Variants in SCUBE3 observed in about 807,000 individuals in gnomAD.
The protein encoded by SCUBE3 is signal peptide, CUB domain and EGF like domain containing 3.
Under a neutral mutation model 116.8 loss-of-function variants are expected in SCUBE3, and 33 were observed. That is an observed-to-expected ratio of 0.28 (90% confidence interval 0.21 to 0.38). SCUBE3 has a LOEUF of 0.38. Ranked by LOEUF, SCUBE3 falls within the 10% of genes least tolerant of loss-of-function variation. The pLI, the probability that SCUBE3 is intolerant of heterozygous loss-of-function variation, is 1.00. For missense variants in SCUBE3, 1,007 were observed against 1,324.8 expected, an observed-to-expected ratio of 0.76 and a Z score of 3.72; for synonymous variants, 418 against 496.9, an observed-to-expected ratio of 0.84 and a Z score of 2.11.
chr6:35,218,259 GGT>G (rs143349311), intron 1 of SCUBE3: 532 of 448,970 alleles, frequency 1.2e-3, no homozygotes, highest in Non-Finnish European at 1.4e-3. Context: ...CATGACTCAG[GGT>G]GTGTGTGTGT....
rs1271032199 is a variant in SCUBE3 at position 35,253,024 on chromosome 6, G to A, written c.*4319G>A. The A allele has an allele frequency of 6.6e-6, 1 of 152,124 alleles. No individual in the cohort carries two copies. The highest frequency in any genetic ancestry group is 1.5e-5 in the Non-Finnish European group (1 of 68,028). 9.4% of individuals were successfully genotyped at this position (152,124 alleles called of 1,614,324 possible). ...ATGTATCTGAATTGTAAAAAGAAAT[G>A]TTTGGATTTTGTATGTCTTTTTTAT... On this transcript the variant is annotated 3_prime_UTR_variant, in exon 22 of 22. Transcript: ENST00000274938.
intron 21 of SCUBE3, 113 bp downstream of exon 21, chr6:35,246,398 T>C: frequency 1.3e-6 from 1 of 782,820 alleles, no homozygotes; most frequent in African/African-American, 1.7e-5. Context: ...ACAATAGCTC[T>C]ATGAGGTAGG....
chr6:35,238,280 C>A (rs1783866094), intron 7 of SCUBE3, among the ~76,000 whole-genome samples: 2 of 152,148 alleles, frequency 1.3e-5, no homozygotes, highest in Non-Finnish European at 2.9e-5. Context: ...GGGTCCCTAA[C>A]CCTCTTAGTT....
At position 35,242,691 on chromosome 6, in the gene SCUBE3, A is replaced by T. The variant is rs1784126549; in HGVS notation, c.1604A>T (p.Lys535Met). ...HLKCDSSRKGKGRRARTPPGK... is the reference protein window; with the variant it reads ...HLKCDSSRKGMGRRARTPPGK... ...AAGTGTGACTCCTCTCGGAAGGGCAAGGGCCGACGGGCCCGGACCCCTCCA... is the reference window on the plus strand; with the variant it reads ...AAGTGTGACTCCTCTCGGAAGGGCATGGGCCGACGGGCCCGGACCCCTCCA... The change falls in exon 14 of 22, where the codon AAG becomes ATG. Residue 535 changes from lysine (K) to methionine (M), a missense_variant. Coordinates refer to ENST00000274938, the MANE Select transcript of SCUBE3 (RefSeq NM_152753.4). 1 of 1,614,018 alleles carries T rather than the reference A, an allele frequency of 6.2e-7. No homozygotes were observed. Among genetic ancestry groups the T allele is most frequent in the Admixed American group, 1.7e-5 (1 of 60,008 alleles).
Position 35,214,294 on chromosome 6 carries a change from C to G in SCUBE3, c.-125C>G. On this transcript the variant is annotated 5_prime_UTR_variant, in exon 1 of 22. Transcript: ENST00000274938. The surrounding 1 kb of genome is among the most constrained non-coding windows in gnomAD (Gnocchi z 6.3). ...GCGGTCCGCGCCCCGCGACTGCAGC[C>G]CCCGGCCTGGCCCCGGCGGGGCGCC... 2.3e-6 allele frequency: 1 copy of G among 437,740 alleles called. No individual in the cohort carries two copies. Among genetic ancestry groups the G allele is most frequent in the Middle Eastern group, 6.6e-4 (1 of 1,504 alleles). 27.1% of individuals were successfully genotyped at this position (437,740 alleles called of 1,614,324 possible). A position where few individuals can be genotyped will look rare whatever the true frequency, so the allele number is the denominator to read the frequency against.
At position 35,239,900 on chromosome 6, in the gene SCUBE3, A is replaced by G; in HGVS notation, c.952+26A>G. ...GTGAGCAGACTCAGCCAAAGGTGAA[A>G]GCCTTAGGAGAGGTTCTTGTGGGAG... is the stretch of plus-strand genomic sequence containing the variant. On this transcript the variant is annotated intron_variant, in intron 8 of 21. Coordinates refer to ENST00000274938, the MANE Select transcript of SCUBE3 (RefSeq NM_152753.4). This position sits in a 1 kb window ranked among gnomAD's most constrained non-coding sequence, Gnocchi z 4.1. 6.4e-7 allele frequency: 1 copy of G among 1,559,542 alleles called. No individual in the cohort carries two copies. The highest frequency in any genetic ancestry group is 8.6e-7 in the Non-Finnish European group (1 of 1,158,512).
intron 1 of SCUBE3, chr6:35,220,486 G>C (rs1320882923): frequency 6.6e-6 from 1 of 152,136 alleles, no homozygotes; most frequent in Non-Finnish European, 1.5e-5. Context: ...ACAATGTTCT[G>C]TTCTTCCCCC....
intron 7 of SCUBE3, among the ~76,000 whole-genome samples, chr6:35,238,526 T>C (rs1226155551): frequency 6.6e-6 from 1 of 152,180 alleles, no homozygotes; most frequent in Non-Finnish European, 1.5e-5. Flanking sequence ...CCCTGTCTCC[T>C]ACTAGCTCTG....
chr6:35,238,527 A>G (rs1456009676), intron 7 of SCUBE3, among the ~76,000 whole-genome samples: 4 of 152,152 alleles, frequency 2.6e-5, no homozygotes, highest in African/African-American at 9.7e-5. Context: ...CCTGTCTCCT[A>G]CTAGCTCTGT....
intron 13 of SCUBE3, 33 bp downstream of exon 13, chr6:35,242,353 T>C: frequency 7.0e-7 from 1 of 1,438,108 alleles, no homozygotes; most frequent in Non-Finnish European, 9.8e-7. Context: ...CAGTTGGCTG[T>C]CTGGCCACTA....
rs113199387 is a variant in SCUBE3 at position 35,251,087 on chromosome 6, T to A, written c.*2382T>A. ...TCCCAGGAAGCACCATGAAAACTGC[T>A]TTAATCAACTCTGACTATCCTAATT... On this transcript the variant is annotated 3_prime_UTR_variant, in exon 22 of 22. Transcript: ENST00000274938. 2.6e-5 allele frequency: 4 copies of A among 152,130 alleles called. No individual in the cohort carries two copies. Among genetic ancestry groups the A allele is most frequent in the African/African-American group, 9.7e-5 (4 of 41,442 alleles). 9.4% of individuals were successfully genotyped at this position (152,130 alleles called of 1,614,324 possible).
At position 35,242,789 on chromosome 6, in the gene SCUBE3, G is replaced by T. The variant is rs777911198; in HGVS notation, c.1693+9G>T. The stretch of plus-strand genomic sequence containing the variant: ...AGCCGAAGAAACCACAGGTGGGACT[G>T]GGGGCACTGTTGGGAAGAGGACTGG... On this transcript the variant is annotated intron_variant, in intron 14 of 21. Transcript: ENST00000274938. The T allele has an allele frequency of 5.6e-6, 9 of 1,611,926 alleles. No homozygotes were observed. Among genetic ancestry groups the T allele is most frequent in the African/African-American group, 1.3e-5 (1 of 74,908 alleles).
chr6:35,219,016 C>T lies in SCUBE3; in HGVS notation c.85+4513C>T, dbSNP rs925803233. Among the ~76,000 whole-genome samples, 5 of 152,170 alleles carry T rather than the reference C, an allele frequency of 3.3e-5. No individual in the cohort carries two copies. The highest frequency in any genetic ancestry group is 4.8e-5 in the African/African-American group (2 of 41,440). ...AATCCTTCCTGCTGAAGGCAGAAGGCGCCGGGCCTCCACAGGTTACTCACC... is the reference window on the plus strand; with the variant it reads ...AATCCTTCCTGCTGAAGGCAGAAGGTGCCGGGCCTCCACAGGTTACTCACC... On this transcript the variant is annotated intron_variant, in intron 1 of 21. Transcript: ENST00000274938. The surrounding 1 kb of genome is among the most constrained non-coding windows in gnomAD (Gnocchi z 4.7).
At chr6:35,227,471 C>A in intron 1 of SCUBE3, 109 bp from the exon 2 acceptor site, 1 of 1,169,846 alleles carries the variant, frequency 8.5e-7, no homozygotes, top group Non-Finnish European at 1.3e-6. Flanking sequence ...GAGGGGGTCA[C>A]TGCCTCTGTT....
rs145167589 is a variant in SCUBE3 at position 35,244,075 on chromosome 6, G to C, written c.2184G>C (p.Gly728=). The part of the protein sequence containing the change: ...AGRTLCFPCG[G]GLTTKHEGAI... ...GGACCCTATGCTTCCCTTGTGGTGG[G>C]GGCCTCACCACCAAGCATGAAGGGG... The change falls in exon 17 of 22, where the codon GGG becomes GGC. Residue 728 remains glycine, a synonymous_variant. Coordinates refer to ENST00000274938, the MANE Select transcript of SCUBE3 (RefSeq NM_152753.4). The surrounding 1 kb of genome is among the most constrained non-coding windows in gnomAD (Gnocchi z 4.3). The C allele has an allele frequency of 6.2e-7, 1 of 1,613,962 alleles. No individual in the cohort carries two copies. The highest frequency in any genetic ancestry group is 1.3e-5 in the African/African-American group (1 of 75,028).
chr6:35,227,809 C>G, intron 2 of SCUBE3, 107 bp downstream of exon 2: 1 of 1,196,934 alleles, frequency 8.4e-7, no homozygotes, highest in South Asian at 1.4e-5. Flanking sequence ...AGAAATTCCA[C>G]TGGTCAAGTG....
At chr6:35,225,481 G>A (rs557585530) in intron 1 of SCUBE3, among the ~76,000 whole-genome samples, 18 of 152,216 alleles carry the variant, frequency 1.2e-4, no homozygotes, top group Admixed American at 6.5e-4. Flanking sequence ...ATTCTGTCAC[G>A]TTGGGATGAC....
At chr6:35,218,364 G>A (rs548508021) in intron 1 of SCUBE3, among the ~76,000 whole-genome samples, 1 of 152,192 alleles carries the variant, frequency 6.6e-6, no homozygotes, top group Non-Finnish European at 1.5e-5. Flanking sequence ...TTGGTCCAGT[G>A]CCTTGAACTG....
intron 6 of SCUBE3, among the ~76,000 whole-genome samples, chr6:35,234,224 G>C (rs1783666086): frequency 6.6e-6 from 1 of 152,188 alleles, no homozygotes; most frequent in Non-Finnish European, 1.5e-5. Context: ...AGCCAGGCAG[G>C]GCATGAGCTT....
Sources: allele counts gnomAD v4.1 joint callset (sites outside exome capture counted in the v4.1 genomes callset), GRCh38; gene constraint gnomAD v4.1.1; non-coding constraint Gnocchi (gnomAD v3.1); transcripts MANE v1.5; gene names NCBI Gene and HGNC (gene_info 2026-07-23, HGNC 2026-07-21).